GRIK3: variants seen among roughly 807,000 people sequenced by gnomAD.
GRIK3 encodes the protein glutamate receptor ionotropic, kainate 3.
In GRIK3, 29 loss-of-function variants were observed where a neutral mutation model predicts 102.5. The ratio of observed to expected loss-of-function variants is 0.28; its 90% CI spans 0.21 to 0.39. The LOEUF is 0.39. Ranked by LOEUF, GRIK3 falls within the 10% of genes least tolerant of loss-of-function variation. The pLI is 1.00. For synonymous variants in GRIK3, 511 were observed against 504.9 expected (o/e 1.01, Z -0.16); for missense variants, 908 against 1,252.4 (o/e 0.73, Z 4.15).
intron 1 of GRIK3, among the ~76,000 whole-genome samples, chr1:36,986,976 C>A (rs1209908040): frequency 1.3e-5 from 2 of 152,184 alleles, no homozygotes; most frequent in Non-Finnish European, 1.5e-5. Flanking sequence ...ACCCACCCAA[C>A]CCAAGGATAC....
rs145667594 is a variant in GRIK3 at position 36,906,256 on chromosome 1, A to G, written c.116-15160T>C. Among the ~76,000 whole-genome samples, 29 of 152,312 alleles carry G rather than the reference A, an allele frequency of 1.9e-4. 1 individual carries two copies. In the East Asian group the frequency reaches 5.4e-3, roughly 28 times the overall value. On this transcript the variant is annotated intron_variant, in intron 1 of 15. Coordinates refer to ENST00000373091, the MANE Select transcript of GRIK3 (RefSeq NM_000831.4). ...CAGGGAGGTTCCCAATTCAGGTTTC[A>G]GTGACAGCCATGCTTCAGTCCCAAA... is the stretch of plus-strand genomic sequence containing the variant.
chr1:36,994,301 A>G (rs1233607526), intron 1 of GRIK3, among the ~76,000 whole-genome samples: 2 of 152,248 alleles, frequency 1.3e-5, no homozygotes, highest in Non-Finnish European at 2.9e-5. Flanking sequence ...ACTCTTCTAA[A>G]GAGCTTCACA....
intron 1 of GRIK3, among the ~76,000 whole-genome samples, chr1:37,006,194 A>T (rs1275849751): frequency 6.6e-6 from 1 of 152,138 alleles, no homozygotes; most frequent in Non-Finnish European, 1.5e-5. Flanking sequence ...CTAAATGCAC[A>T]ATTTTCAGAG....
intron 3 of GRIK3, among the ~76,000 whole-genome samples, chr1:36,879,071 C>T (rs1028461014): frequency 6.6e-6 from 1 of 152,088 alleles, no homozygotes; most frequent in Non-Finnish European, 1.5e-5. Flanking sequence ...TTCCTGCTTG[C>T]TCTTTTTGTG....
At chr1:37,024,181 T>A (rs1175216928) in intron 1 of GRIK3, among the ~76,000 whole-genome samples, 2 of 152,170 alleles carry the variant, frequency 1.3e-5, no homozygotes, top group African/African-American at 4.8e-5. Flanking sequence ...CTGGTTTCAA[T>A]AAATAAGTAG....
intron 3 of GRIK3, among the ~76,000 whole-genome samples, chr1:36,876,608 C>T (rs1012423401): frequency 3.3e-5 from 5 of 152,172 alleles, no homozygotes; most frequent in Non-Finnish European, 7.4e-5. Flanking sequence ...CTGTCTGTTA[C>T]TTGCAGCCAA....
chr1:37,033,712 A>G (rs1313990676), intron 1 of GRIK3, among the ~76,000 whole-genome samples: 1 of 152,178 alleles, frequency 6.6e-6, no homozygotes, highest in East Asian at 1.9e-4. Context: ...TCGACTCGGG[A>G]TCGCACTGGA....
intron 13 of GRIK3, among the ~76,000 whole-genome samples, chr1:36,808,420 G>A (rs1391743458): frequency 6.6e-6 from 1 of 152,190 alleles, no homozygotes; most frequent in African/African-American, 2.4e-5. Flanking sequence ...TCCAAAATTA[G>A]GTTACAAGAG....
chr1:36,901,189 C>T (rs1451857850), intron 1 of GRIK3, among the ~76,000 whole-genome samples: 1 of 152,128 alleles, frequency 6.6e-6, no homozygotes, highest in African/African-American at 2.4e-5. Context: ...TTTTACAAGG[C>T]CAGCACTACT....
chr1:37,006,777 G>A (rs975109041), intron 1 of GRIK3, among the ~76,000 whole-genome samples: 1 of 152,250 alleles, frequency 6.6e-6, no homozygotes, highest in Admixed American at 6.5e-5. Context: ...GCTATGCGAT[G>A]GATCCTGGAG....
At chr1:36,929,776 C>T (rs1641567889) in intron 1 of GRIK3, among the ~76,000 whole-genome samples, 1 of 152,234 alleles carries the variant, frequency 6.6e-6, no homozygotes. Flanking sequence ...CAACAATAAA[C>T]ATTATCTCAC....
intron 5 of GRIK3, among the ~76,000 whole-genome samples, chr1:36,866,689 GCA>G (rs748873349): frequency 2.0e-5 from 3 of 152,238 alleles, no homozygotes; most frequent in Non-Finnish European, 4.4e-5. Flanking sequence ...AGAAAATGAG[GCA>G]CAGAGAGGTT....
At chr1:36,950,239 G>A (rs769627688) in intron 1 of GRIK3, among the ~76,000 whole-genome samples, 1 of 152,182 alleles carries the variant, frequency 6.6e-6, no homozygotes, top group African/African-American at 2.4e-5. Flanking sequence ...GCTGAGACAC[G>A]ATCAAATTGG....
intron 5 of GRIK3, among the ~76,000 whole-genome samples, chr1:36,860,572 C>T (rs938941123): frequency 9.9e-5 from 15 of 152,222 alleles, no homozygotes; most frequent in African/African-American, 2.7e-4. Context: ...AGCTGAGCAG[C>T]GGTCAGCCTG....
chr1:36,987,998 C>T (rs1332401606), intron 1 of GRIK3, among the ~76,000 whole-genome samples: 1 of 152,148 alleles, frequency 6.6e-6, no homozygotes, highest in Non-Finnish European at 1.5e-5. Flanking sequence ...CAAACGAAAA[C>T]CTGAGCCTGA....
intron 13 of GRIK3, among the ~76,000 whole-genome samples, chr1:36,816,177 C>T (rs1642624196): frequency 6.6e-6 from 1 of 152,186 alleles, no homozygotes. Context: ...AGCTGGGCAT[C>T]CCTGGACAAG....
chr1:36,808,111 T>A (rs1373531152), intron 13 of GRIK3, among the ~76,000 whole-genome samples: 1 of 152,230 alleles, frequency 6.6e-6, no homozygotes, highest in Non-Finnish European at 1.5e-5. Context: ...CCCCACGCAA[T>A]ATTCTTGCCC....
chr1:36,937,594 C>T (rs776533911), intron 1 of GRIK3, among the ~76,000 whole-genome samples: 36 of 152,138 alleles, frequency 2.4e-4, no homozygotes, highest in South Asian at 4.2e-4. Flanking sequence ...TAAATGATTA[C>T]GGGCAGGGAG....
At chr1:37,012,557 A>G (rs193283377) in intron 1 of GRIK3, among the ~76,000 whole-genome samples, 2 of 152,302 alleles carry the variant, frequency 1.3e-5, no homozygotes, top group Admixed American at 1.3e-4. Flanking sequence ...GCCAGAGTGG[A>G]AGGGAGTTTT....
Sources: gnomAD v4.1 joint callset for allele counts (sites outside exome capture counted in the v4.1 genomes callset) on GRCh38, gnomAD v4.1.1 for gene constraint, MANE v1.5 for transcripts, NCBI Gene and HGNC (gene_info 2026-07-23, HGNC 2026-07-21) for gene names.